SBF2: variants seen among roughly 807,000 people sequenced by gnomAD.
The protein encoded by SBF2 is myotubularin-related protein 13.
A neutral mutation model predicts 225.2 loss-of-function variants in SBF2; 112 were observed. The observed-to-expected ratio is 0.50, with a 90% CI of 0.43 to 0.58. The LOEUF (loss-of-function observed/expected upper bound fraction) is 0.58. SBF2 is among the 20% of genes least tolerant of loss of function. The pLI, the probability that SBF2 is intolerant of heterozygous loss-of-function variation, is 0.00. For synonymous variants in SBF2, 763 were observed against 773.3 expected (o/e 0.99, Z 0.22); for missense variants, 1,996 against 2,206.2 (o/e 0.90, Z 1.91).
chr11:10,263,339 T>A (rs1482674328), intron 1 of SBF2, among the ~76,000 whole-genome samples: 1 of 152,106 alleles, frequency 6.6e-6, no homozygotes, highest in African/African-American at 2.4e-5. Flanking sequence ...TTCAAGTTTT[T>A]TTTTAATTTG....
intron 2 of SBF2, among the ~76,000 whole-genome samples, chr11:10,182,022 C>G (rs57521137): frequency 0.095 from 14,470 of 152,104 alleles, 933 homozygotes; most frequent in East Asian, 0.28. Context: ...ATTAAATCAA[C>G]AGATTTGCAA....
chr11:10,265,208 A>C (rs4450168), intron 1 of SBF2, among the ~76,000 whole-genome samples: 18,042 of 152,122 alleles, frequency 0.12, 1,369 homozygotes, highest in Non-Finnish European at 0.17. Context: ...ACAATGTAAA[A>C]GCATTCCTAT....
intron 2 of SBF2, among the ~76,000 whole-genome samples, chr11:10,163,178 A>G (rs1955824369): frequency 6.6e-6 from 1 of 152,214 alleles, no homozygotes; most frequent in African/African-American, 2.4e-5. Flanking sequence ...AGAATGACAG[A>G]AAGTGGGCAA....
chr11:10,074,567 A>G (rs961827498), intron 2 of SBF2, among the ~76,000 whole-genome samples: 2 of 152,200 alleles, frequency 1.3e-5, no homozygotes, highest in Non-Finnish European at 2.9e-5. Flanking sequence ...ATAGCTATAT[A>G]TTCATCTTTT....
chr11:9,907,825 G>C lies in SBF2; in HGVS notation c.1861-11814C>G, dbSNP rs143084674. Among the ~76,000 whole-genome samples the C allele has an allele frequency of 2.2e-4, 34 of 152,324 alleles. No homozygotes were observed. The East Asian group carries it at 6.4e-3, about 28-fold the overall frequency. ...CACATATTTGAAGTATGAATTTACAGATATTATTTCATTTAATCTTCACAA... is the reference window on the plus strand; with the variant it reads ...CACATATTTGAAGTATGAATTTACACATATTATTTCATTTAATCTTCACAA... On this transcript the variant is annotated intron_variant, in intron 16 of 39. Transcript: ENST00000256190.
chr11:10,060,496 A>AT, intron 2 of SBF2, among the ~76,000 whole-genome samples: 1 of 152,198 alleles, frequency 6.6e-6, no homozygotes, highest in East Asian at 1.9e-4. Flanking sequence ...ATTCCCAAAA[A>AT]TTGAGGAGGA....
At chr11:9,871,911 T>A (rs1590282266) in intron 17 of SBF2, among the ~76,000 whole-genome samples, 1 of 152,280 alleles carries the variant, frequency 6.6e-6, no homozygotes, top group South Asian at 2.1e-4. Context: ...GACAGTGTGG[T>A]GATTCCTCAA....
intron 2 of SBF2, among the ~76,000 whole-genome samples, chr11:10,133,888 C>G (rs1954221496): frequency 6.6e-6 from 1 of 152,214 alleles, no homozygotes; most frequent in South Asian, 2.1e-4. Flanking sequence ...ATCTTTTGTT[C>G]TAATATTTGG....
At chr11:9,972,000 A>G (rs78624177) in intron 13 of SBF2, among the ~76,000 whole-genome samples, 1,945 of 152,304 alleles carry the variant, frequency 0.013, 41 homozygotes, top group African/African-American at 0.044. Flanking sequence ...TGGCATGACA[A>G]TTCAGGGGGA....
Position 9,949,884 on chromosome 11 carries a change from A to C in SBF2, c.1860+12073T>G, listed in dbSNP as rs563607085. Among the ~76,000 whole-genome samples the C allele has an allele frequency of 5.9e-5, 9 of 152,268 alleles. No homozygotes were observed. In the South Asian group the frequency reaches 1.9e-3, roughly 32 times the overall value. ...ATGTAGTAAACAATATACATTTTTC[A>C]AGGACACCTGCATAGAAAATAATAT... On this transcript the variant is annotated intron_variant, in intron 16 of 39. Transcript: ENST00000256190.
intron 16 of SBF2, among the ~76,000 whole-genome samples, chr11:9,899,794 T>C (rs1301710891): frequency 6.6e-6 from 1 of 152,100 alleles, no homozygotes; most frequent in African/African-American, 2.4e-5. Flanking sequence ...CTAGAATTTA[T>C]ATTAAACAGC....
At chr11:10,108,557 C>T (rs976819476) in intron 2 of SBF2, among the ~76,000 whole-genome samples, 2 of 131,904 alleles carry the variant, frequency 1.5e-5, no homozygotes, top group African/African-American at 2.8e-5. Flanking sequence ...CGGAGTCTCG[C>T]TCTGTCGCCC....
intron 1 of SBF2, among the ~76,000 whole-genome samples, chr11:10,273,716 T>C (rs1186122271): frequency 6.6e-6 from 1 of 152,218 alleles, no homozygotes; most frequent in Non-Finnish European, 1.5e-5. Flanking sequence ...GTTTAAGGCC[T>C]TGGATAAGAA....
intron 2 of SBF2, among the ~76,000 whole-genome samples, chr11:10,115,256 T>G (rs369031356): frequency 1.3e-5 from 2 of 152,202 alleles, no homozygotes; most frequent in South Asian, 4.1e-4. Context: ...TTCTAACCTT[T>G]TCTATAAATC....
rs200271441 is a variant in SBF2, at chr11:9,998,403, C to G, written c.862-24G>C. 11 of 1,237,360 alleles carry G rather than the reference C, an allele frequency of 8.9e-6. No homozygotes were observed. In the Admixed American group the frequency reaches 1.1e-4, roughly 12 times the overall value. The allele number at this position is 1,237,360 out of a possible 1,614,324, so 76.6% of individuals were successfully genotyped here. A position where few individuals can be genotyped will look rare whatever the true frequency, so the allele number is the denominator to read the frequency against. On this transcript the variant is annotated intron_variant, in intron 8 of 39. Transcript: ENST00000256190. ...AACTGAAAGAGATAAAAAAATTAAC[C>G]TATAATTACCAAAATACATTTGTTG...
chr11:9,821,248 A>T (rs1287990382), intron 28 of SBF2, among the ~76,000 whole-genome samples: 1 of 152,136 alleles, frequency 6.6e-6, no homozygotes, highest in East Asian at 1.9e-4. Flanking sequence ...GAATTTGTTG[A>T]TTATTTACTT....
intron 36 of SBF2, among the ~76,000 whole-genome samples, chr11:9,786,256 T>C (rs1852366243): frequency 6.6e-6 from 1 of 152,232 alleles, no homozygotes; most frequent in African/African-American, 2.4e-5. Context: ...AAATCTCTTT[T>C]ATATGTGAAT....
At chr11:10,231,374 G>A (rs1183208381) in intron 1 of SBF2, among the ~76,000 whole-genome samples, 1 of 152,182 alleles carries the variant, frequency 6.6e-6, no homozygotes, top group Non-Finnish European at 1.5e-5. Flanking sequence ...TTTGGAGGAG[G>A]AGAAGCGCTC....
chr11:10,234,654 C>G (rs931380416), intron 1 of SBF2, among the ~76,000 whole-genome samples: 2 of 152,066 alleles, frequency 1.3e-5, no homozygotes, highest in African/African-American at 4.8e-5. Context: ...TTACATCTAC[C>G]CTATCAAATG....
Sources: gnomAD v4.1 joint callset for allele counts (sites outside exome capture counted in the v4.1 genomes callset) on GRCh38, gnomAD v4.1.1 for gene constraint, MANE v1.5 for transcripts, NCBI Gene and HGNC (gene_info 2026-07-23, HGNC 2026-07-21) for gene names.